Variants in BARD1 observed in about 807,000 individuals in gnomAD.
BARD1 encodes BRCA1 associated RING domain 1, also known as BRCA1-associated RING domain protein 1.
In BARD1, 73 loss-of-function variants were observed where a neutral mutation model predicts 77.0. That is an observed-to-expected ratio of 0.95 (90% CI 0.79 to 1.15). BARD1 has a LOEUF of 1.15. BARD1 is among the 50% of genes most tolerant of loss of function. The pLI is 0.00. For synonymous variants in BARD1, 384 were observed against 338.0 expected, an observed-to-expected ratio of 1.14 and a Z score of -1.49; for missense variants, 993 against 938.8, an observed-to-expected ratio of 1.06 and a Z score of -0.75.
Position 214,780,751 on chromosome 2 carries a change from TACC to T in BARD1, c.1120_1122del (p.Gly374del). 2 of 1,614,090 alleles carry T rather than the reference TACC, an allele frequency of 1.2e-6. No homozygotes were observed. Among genetic ancestry groups the T allele is most frequent in the Non-Finnish European group, 1.7e-6 (2 of 1,179,988 alleles). ...ATGTTACTGTTTTTCCTCCCTGATG[TACC>T]ACCAACTTTACGTTTGCATGAAGGT... On this transcript the variant is annotated inframe_deletion, in exon 4 of 11. Transcript: ENST00000260947.
chr2:214,782,309 C>T (rs1574823502), intron 3 of BARD1, among the ~76,000 whole-genome samples: 1 of 152,012 alleles, frequency 6.6e-6, no homozygotes, highest in South Asian at 2.1e-4. Context: ...ACAGTCAAAA[C>T]TGATTTAATG....
intron 3 of BARD1, among the ~76,000 whole-genome samples, chr2:214,789,336 C>T (rs1029824133): frequency 6.6e-6 from 1 of 151,328 alleles, no homozygotes; most frequent in Non-Finnish European, 1.5e-5. Context: ...TCAGGACCAG[C>T]CTGGGCAACA....
At chr2:214,809,344 A>T (rs897223792) in intron 1 of BARD1, 68 bp downstream of exon 1, 1 of 1,593,940 alleles carries the variant, frequency 6.3e-7, no homozygotes, top group Admixed American at 1.7e-5. Flanking sequence ...ATTTGAAAAG[A>T]TTCTGCCGCC....
In BARD1 at chr2:214,781,093, GTAAGTCT is replaced by G; in HGVS notation, c.774_780del (p.Asp259Ter). The G allele has an allele frequency of 6.3e-7, 1 of 1,590,300 alleles. No homozygotes were observed. Among genetic ancestry groups the G allele is most frequent in the Non-Finnish European group, 8.5e-7 (1 of 1,170,470 alleles). On this transcript the variant is annotated frameshift_variant, in exon 4 of 11. Transcript: ENST00000260947. LOFTEE classifies it high-confidence loss of function. ...GATTCTGTCAAGGAGCCACTTGCTA[GTAAGTCT>G]ATTTCACCATTTATCTGAGGACTGG...
chr2:214,751,999 G>A (rs536358287), intron 7 of BARD1, among the ~76,000 whole-genome samples: 1 of 152,154 alleles, frequency 6.6e-6, no homozygotes, highest in African/African-American at 2.4e-5. Context: ...ATTCAAATCA[G>A]TGCTTTAAGG....
intron 9 of BARD1, among the ~76,000 whole-genome samples, chr2:214,733,923 G>A (rs1013273185): frequency 6.6e-6 from 1 of 152,088 alleles, no homozygotes; most frequent in Non-Finnish European, 1.5e-5. Flanking sequence ...AAGGTTAATA[G>A]CTTATACATA....
rs1440649518 is a variant in BARD1, at chr2:214,781,041, A to T, written c.833T>A (p.Val278Asp). 1 of 1,608,900 alleles carries T rather than the reference A, an allele frequency of 6.2e-7. No homozygotes were observed. The highest frequency in any genetic ancestry group is 8.5e-7 in the Non-Finnish European group (1 of 1,178,062). Residue 278 changes from valine to aspartate, a missense_variant, in exon 4 of 11, where the codon GTC becomes GAC. Val to Asp is a radical substitution (Grantham distance 152). Coordinates refer to ENST00000260947, the MANE Select transcript of BARD1 (RefSeq NM_000465.4). ...ESECFGSLTE[V>D]SLPLAEQIES... ...TATTTGCTCAGCCAATGGTAAAGAGACTTCAGTTAAACTTCCAAAACATTC... is the reference window on the plus strand; with the variant it reads ...TATTTGCTCAGCCAATGGTAAAGAGTCTTCAGTTAAACTTCCAAAACATTC...
intron 7 of BARD1, among the ~76,000 whole-genome samples, chr2:214,748,963 G>A (rs1263177355): frequency 1.3e-5 from 2 of 152,040 alleles, no homozygotes; most frequent in Non-Finnish European, 2.9e-5. Context: ...CCCTCACACA[G>A]TTTATATTCT....
In BARD1 at chr2:214,792,356, T is replaced by G; in HGVS notation, c.305A>C (p.Asp102Ala). 1 of 1,613,280 alleles carries G rather than the reference T, an allele frequency of 6.2e-7. No individual in the cohort carries two copies. Among genetic ancestry groups the G allele is most frequent in the Non-Finnish European group, 8.5e-7 (1 of 1,179,734 alleles). Residue 102 changes from aspartate (D) to alanine (A), a missense_variant, in exon 3 of 11, where the codon GAC (aspartate) becomes GCC (alanine). Coordinates refer to ENST00000260947, the MANE Select transcript of BARD1 (RefSeq NM_000465.4). ...CTTACTACAAAGTTGAATCATGCTG[T>G]CCAGTTGTCTATTTATCTTCAAGTC... The part of the protein sequence containing the change: ...IQDLKINRQL[D>A]SMIQLCSKLR...
At chr2:214,807,198 T>A (rs1463875880) in intron 1 of BARD1, among the ~76,000 whole-genome samples, 1 of 151,400 alleles carries the variant, frequency 6.6e-6, no homozygotes, top group Non-Finnish European at 1.5e-5. Flanking sequence ...ATTCAGTTCA[T>A]CTATAGAGGT....
At chr2:214,760,813 C>T (rs1379160111) in intron 6 of BARD1, among the ~76,000 whole-genome samples, 1 of 148,600 alleles carries the variant, frequency 6.7e-6, no homozygotes, top group Non-Finnish European at 1.5e-5. Flanking sequence ...CTCGCTCTGT[C>T]GCCCAGGCTG....
rs553423927 is a variant in BARD1, at chr2:214,795,966, AT to A, written c.215+1094del. Among the ~76,000 whole-genome samples the A allele has an allele frequency of 1.2e-4, 18 of 152,268 alleles. 2 individuals carry two copies. Among genetic ancestry groups the A allele is most frequent in the Admixed American group, 1.2e-3 (18 of 15,296 alleles). On this transcript the variant is annotated intron_variant, in intron 2 of 10. Coordinates refer to ENST00000260947, the MANE Select transcript of BARD1 (RefSeq NM_000465.4). ...ACAGATCTGTTTTTCCAGGAACAAA[AT>A]TGGGACCCAAAACATAGCTGCCTCC...
chr2:214,805,595 T>C (rs1448530742), intron 1 of BARD1, among the ~76,000 whole-genome samples: 8 of 152,128 alleles, frequency 5.3e-5, no homozygotes. Flanking sequence ...ACTCATTTTG[T>C]GCAGATGAAG....
At chr2:214,787,129 C>T (rs1006300598) in intron 3 of BARD1, among the ~76,000 whole-genome samples, 1 of 151,330 alleles carries the variant, frequency 6.6e-6, no homozygotes, top group East Asian at 1.9e-4. Flanking sequence ...ATGTTCAAAC[C>T]CTGAGGTTCT....
chr2:214,799,400 TAAAC>T (rs1695912203), intron 1 of BARD1, among the ~76,000 whole-genome samples: 1 of 152,334 alleles, frequency 6.6e-6, no homozygotes, highest in African/African-American at 2.4e-5. Flanking sequence ...ATTCTATAAA[TAAAC>T]AAACAAATGA....
intron 1 of BARD1, among the ~76,000 whole-genome samples, chr2:214,806,835 C>T (rs1450221498): frequency 6.9e-6 from 1 of 144,866 alleles, no homozygotes; most frequent in African/African-American, 2.6e-5. Context: ...AATCATGCCA[C>T]TGCACTCCAG....
At chr2:214,800,095 T>C (rs1695947643) in intron 1 of BARD1, among the ~76,000 whole-genome samples, 1 of 152,252 alleles carries the variant, frequency 6.6e-6, no homozygotes, top group South Asian at 2.1e-4. Flanking sequence ...ACTCAACGCC[T>C]TGATTCTGTT....
chr2:214,728,145 T>G lies in BARD1; in HGVS notation c.*531A>C, dbSNP rs1692162097. The G allele has an allele frequency of 4.4e-6, 1 of 229,168 alleles. No individual in the cohort carries two copies. Among genetic ancestry groups the G allele is most frequent in the African/African-American group, 2.2e-5 (1 of 45,044 alleles). 14.2% of individuals were successfully genotyped at this position (229,168 alleles called of 1,614,324 possible). A position where few individuals can be genotyped will look rare whatever the true frequency, so the allele number is the denominator to read the frequency against. On this transcript the variant is annotated 3_prime_UTR_variant, in exon 11 of 11. Coordinates refer to ENST00000260947, the MANE Select transcript of BARD1 (RefSeq NM_000465.4). The stretch of plus-strand genomic sequence containing the variant: ...AGAAACACACAACAAAGTAAATTAT[T>G]AAGAAAAGAAATGAACACAATATAG...
At chr2:214,759,841 G>A (rs1029937807) in intron 6 of BARD1, among the ~76,000 whole-genome samples, 2 of 152,080 alleles carry the variant, frequency 1.3e-5, no homozygotes, top group East Asian at 3.9e-4. Context: ...TAGTGAAGAT[G>A]GCAAATAAAG....
Sources: allele counts gnomAD v4.1 joint callset (sites outside exome capture counted in the v4.1 genomes callset), GRCh38; gene constraint gnomAD v4.1.1; transcripts MANE v1.5; gene names NCBI Gene and HGNC (gene_info 2026-07-23, HGNC 2026-07-21).